The following GRAP2 variants were observed in gnomAD, a reference collection of about 807,000 sequenced individuals.
GRAP2 encodes the protein GRB2-related adapter protein 2.
Under a neutral mutation model 43.5 loss-of-function variants are expected in GRAP2, and 31 were observed. The observed-to-expected ratio is 0.71, with a 90% CI of 0.54 to 0.96. GRAP2 has a LOEUF of 0.96. GRAP2 is among the 40% of genes least tolerant of loss of function. The pLI, the probability that GRAP2 is intolerant of heterozygous loss-of-function variation, is 0.00. For synonymous variants in GRAP2, 156 were observed against 164.8 expected, an observed-to-expected ratio of 0.95 and a Z score of 0.41; for missense variants, 371 against 424.4, an observed-to-expected ratio of 0.87 and a Z score of 1.11.
chr22:39,963,471 A>G (rs2067139443), intron 4 of GRAP2, among the ~76,000 whole-genome samples: 1 of 152,162 alleles, frequency 6.6e-6, no homozygotes, highest in South Asian at 2.1e-4. Context: ...CCTCACCTGG[A>G]TGTGAAGGAT....
Position 39,926,741 on chromosome 22 carries a change from C to T in GRAP2, c.-14-20352C>T, listed in dbSNP as rs975684644. 3.0e-6 allele frequency: 3 copies of T among 985,110 alleles called. No homozygotes were observed. The African/African-American group carries it at 5.2e-5, about 17-fold the overall frequency. 61.0% of individuals were successfully genotyped at this position (985,110 alleles called of 1,614,324 possible). ...CACTGGAAATTGTTAATGGGGACTG[C>T]ATTAGCGGCCCCTTATCGCTTTGCC... On this transcript the variant is annotated intron_variant, in intron 1 of 7. Transcript: ENST00000344138.
chr22:39,924,482 A>C (rs958395319), intron 1 of GRAP2, among the ~76,000 whole-genome samples: 1 of 152,156 alleles, frequency 6.6e-6, no homozygotes, highest in Non-Finnish European at 1.5e-5. Flanking sequence ...GGGTGGATCA[A>C]CTGAGGTCAG....
intron 4 of GRAP2, 104 bp from the exon 5 acceptor site, chr22:39,965,886 C>T: frequency 1.0e-6 from 1 of 967,812 alleles, no homozygotes; most frequent in East Asian, 2.4e-5. Flanking sequence ...TCCATATCTA[C>T]ATCTCCTGCT....
intron 1 of GRAP2, among the ~76,000 whole-genome samples, chr22:39,907,989 G>A (rs1201246444): frequency 6.6e-6 from 1 of 152,184 alleles, no homozygotes; most frequent in East Asian, 1.9e-4. Context: ...GGAGATGCAG[G>A]AGCCCTCGAT....
intron 3 of GRAP2, among the ~76,000 whole-genome samples, chr22:39,956,184 G>T (rs1293101349): frequency 6.7e-6 from 1 of 150,140 alleles, no homozygotes; most frequent in African/African-American, 2.5e-5. Flanking sequence ...GGGAGTTGGG[G>T]TCTCCCTCTG....
intron 2 of GRAP2, among the ~76,000 whole-genome samples, chr22:39,954,558 C>G (rs927188779): frequency 6.6e-6 from 1 of 152,120 alleles, no homozygotes; most frequent in African/African-American, 2.4e-5. Context: ...CCAGGCCCGG[C>G]TCCTTTTTGT....
chr22:39,965,621 T>C lies in GRAP2; in HGVS notation c.291-369T>C, dbSNP rs868036414. ...CTGGTAACAGAAAGATAATAGGAGC[T>C]TGAAATACCCCTGTTGACATCTTGC... is the stretch of plus-strand genomic sequence containing the variant. On this transcript the variant is annotated intron_variant, in intron 4 of 7. Coordinates refer to ENST00000344138, the MANE Select transcript of GRAP2 (RefSeq NM_004810.4). 9.8e-5 allele frequency among the ~76,000 whole-genome samples: 15 copies of C among 152,350 alleles called. 1 individual carries two copies. The Middle Eastern group carries it at 0.017, about 173-fold the overall frequency.
chr22:39,910,105 A>G (rs754272819), intron 1 of GRAP2, among the ~76,000 whole-genome samples: 10 of 152,154 alleles, frequency 6.6e-5, no homozygotes, highest in Non-Finnish European at 1.5e-4. Context: ...CCTATGAGGC[A>G]GTTTTGCGTG....
At chr22:39,923,430 G>T (rs2066671212) in intron 1 of GRAP2, among the ~76,000 whole-genome samples, 1 of 152,184 alleles carries the variant, frequency 6.6e-6, no homozygotes, top group South Asian at 2.1e-4. Flanking sequence ...TCTGGCAATT[G>T]TGTTTTCAAA....
chr22:39,897,315 C>T (rs2066469633), upstream of GRAP2, among the ~76,000 whole-genome samples: 1 of 152,112 alleles, frequency 6.6e-6, no homozygotes, highest in Non-Finnish European at 1.5e-5. Context: ...ATGAGCTTAC[C>T]TTTGAAATAC....
upstream of GRAP2, among the ~76,000 whole-genome samples, chr22:39,900,337 T>C (rs946122258): frequency 2.0e-5 from 3 of 152,134 alleles, no homozygotes; most frequent in African/African-American, 7.2e-5. Context: ...TTGGATCCAG[T>C]CCCCAAACTC....
chr22:39,910,136 C>T (rs969777946), intron 1 of GRAP2, among the ~76,000 whole-genome samples: 5 of 152,124 alleles, frequency 3.3e-5, no homozygotes, highest in African/African-American at 4.8e-5. Context: ...TTTAAGCACC[C>T]GCCTCTGATT....
chr22:39,933,254 C>G (rs1413564723), intron 1 of GRAP2, among the ~76,000 whole-genome samples: 1 of 152,324 alleles, frequency 6.6e-6, no homozygotes, highest in South Asian at 2.1e-4. Context: ...CAGCCTGAGG[C>G]CTTTATGCAG....
intron 4 of GRAP2, chr22:39,964,714 G>GGAAA: frequency 5.2e-6 from 1 of 191,714 alleles, no homozygotes; most frequent in South Asian, 2.1e-4. Context: ...ATAAACTTTT[G>GGAAA]TAAAAAAAAA....
At chr22:39,948,238 C>G (rs532570492) in intron 2 of GRAP2, 1 of 152,318 alleles carries the variant, frequency 6.6e-6, no homozygotes, top group East Asian at 1.9e-4. Context: ...TCTCAACTTT[C>G]AAGATCTAGT....
chr22:39,942,290 C>A (rs2066879280), intron 1 of GRAP2, among the ~76,000 whole-genome samples: 1 of 152,066 alleles, frequency 6.6e-6, no homozygotes, highest in Admixed American at 6.6e-5. Flanking sequence ...CGGCACTCTC[C>A]TCTACTGTCT....
chr22:39,950,328 A>G (rs1041602180), intron 2 of GRAP2, among the ~76,000 whole-genome samples: 1 of 152,234 alleles, frequency 6.6e-6, no homozygotes, highest in Non-Finnish European at 1.5e-5. Flanking sequence ...AGCTATTTAT[A>G]GGCAGGCCAT....
chr22:39,904,574 C>T lies in GRAP2; in HGVS notation c.-15+3244C>T, dbSNP rs1470562963. Among the ~76,000 whole-genome samples, 4 of 152,176 alleles carry T rather than the reference C, an allele frequency of 2.6e-5. No individual in the cohort carries two copies. The East Asian group carries it at 7.7e-4, about 29-fold the overall frequency. ...GTAAGTTGCAGATAAAATAATACTT[C>T]ACTCCTAAATAATTCAGTACTCATC... On this transcript the variant is annotated intron_variant, in intron 1 of 7. Transcript: ENST00000344138.
At chr22:39,902,700 T>G (rs1188511933) in intron 1 of GRAP2, among the ~76,000 whole-genome samples, 2 of 152,220 alleles carry the variant, frequency 1.3e-5, no homozygotes, top group South Asian at 2.1e-4. Flanking sequence ...CTATTCAATA[T>G]GAAGAAATAT....
Sources: allele counts gnomAD v4.1 joint callset (sites outside exome capture counted in the v4.1 genomes callset), GRCh38; gene constraint gnomAD v4.1.1; transcripts MANE v1.5; gene names NCBI Gene and HGNC (gene_info 2026-07-23, HGNC 2026-07-21).